Variants in F13A1 observed in about 807,000 individuals in gnomAD.
F13A1 encodes the protein coagulation factor XIII A chain, also known as FSF, A subunit.
F13A1 carries 47 observed loss-of-function variants against 80.1 expected under a neutral mutation model. The ratio of observed to expected loss-of-function variants is 0.59; its 90% CI spans 0.46 to 0.75. The LOEUF is 0.75. Ranked by LOEUF, F13A1 falls within the 30% of genes least tolerant of loss-of-function variation. The probability of loss-of-function intolerance (pLI) is 0.00; values close to 1 mark genes in which losing one functional copy is unlikely to be tolerated. For synonymous variants in F13A1, 349 were observed against 344.9 expected (o/e 1.01, Z -0.13); for missense variants, 817 against 930.4 (o/e 0.88, Z 1.59).
intron 1 of F13A1, among the ~76,000 whole-genome samples, chr6:6,320,231 C>T (rs1758755220): frequency 6.6e-6 from 1 of 152,200 alleles, no homozygotes. Context: ...AGGCTGTTCT[C>T]ACTTGGCCCC....
chr6:6,164,897 C>T (rs1385309619), intron 13 of F13A1, among the ~76,000 whole-genome samples: 1 of 151,844 alleles, frequency 6.6e-6, no homozygotes, highest in Non-Finnish European at 1.5e-5. Flanking sequence ...CTCCAGGAGG[C>T]TAGGCAGGTC....
chr6:6,224,814 T>C lies in F13A1; in HGVS notation c.845A>G (p.Asn282Ser). The C allele has an allele frequency of 4.3e-6, 7 of 1,614,094 alleles. No homozygotes were observed. Among genetic ancestry groups the C allele is most frequent in the Non-Finnish European group, 5.9e-6 (7 of 1,179,954 alleles). The change falls in exon 7 of 15, where the codon AAT (asparagine) becomes AGT (serine). Residue 282 changes from asparagine (N) to serine (S), a missense_variant. Coordinates refer to ENST00000264870, the MANE Select transcript of F13A1 (RefSeq NM_000129.4). The stretch of plus-strand genomic sequence containing the variant: ...TGGGGGGACGCCATAGGCATAGATA[T>C]TGTCCCAGGATCCAACGAGGACACC... ...DEGVLVGSWD[N>S]IYAYGVPPSA...
In F13A1 at chr6:6,173,440, C is replaced by T. The variant is rs188413002; in HGVS notation, c.1747+1140G>A. On this transcript the variant is annotated intron_variant, in intron 12 of 14. Transcript: ENST00000264870. ...TTTTTTTTTTTGAGACGGAGTATCG[C>T]TCAGTCACCCAGGCTGGAGGGCAGT... is the stretch of plus-strand genomic sequence containing the variant. Among the ~76,000 whole-genome samples, 3 of 148,620 alleles carry T rather than the reference C, an allele frequency of 2.0e-5. No individual in the cohort carries two copies. The Admixed American group carries it at 2.0e-4, about 10-fold the overall frequency.
intron 3 of F13A1, among the ~76,000 whole-genome samples, chr6:6,291,824 C>T (rs552354915): frequency 2.9e-4 from 44 of 152,338 alleles, no homozygotes; most frequent in Middle Eastern, 6.8e-3. Context: ...AGCTTGCCCA[C>T]GTGTGTATGA....
intron 10 of F13A1, among the ~76,000 whole-genome samples, chr6:6,187,907 T>G (rs908589389): frequency 2.7e-5 from 4 of 145,718 alleles, no homozygotes; most frequent in African/African-American, 5.0e-5. Context: ...CAGATCCTGT[T>G]ATTGGTCTAT....
At chr6:6,233,728 C>T (rs1394245480) in intron 6 of F13A1, among the ~76,000 whole-genome samples, 6 of 152,118 alleles carry the variant, frequency 3.9e-5, no homozygotes, top group African/African-American at 1.4e-4. Flanking sequence ...AATCCAACAA[C>T]ATATCAAAAA....
intron 13 of F13A1, among the ~76,000 whole-genome samples, chr6:6,154,571 C>G (rs1372073872): frequency 6.6e-6 from 1 of 152,190 alleles, no homozygotes; most frequent in African/African-American, 2.4e-5. Flanking sequence ...CCAAATATTC[C>G]TTAGTAAGCA....
chr6:6,192,575 C>T (rs1224394072), intron 10 of F13A1, among the ~76,000 whole-genome samples: 1 of 151,692 alleles, frequency 6.6e-6, no homozygotes, highest in Admixed American at 6.6e-5. Context: ...TAGGAGATGC[C>T]AAAAAAATAG....
Position 6,182,063 on chromosome 6 carries a change from C to T in F13A1, c.1384G>A (p.Gly462Arg). The T allele has an allele frequency of 6.2e-7, 1 of 1,614,128 alleles. No individual in the cohort carries two copies. Among genetic ancestry groups the T allele is most frequent in the Non-Finnish European group, 8.5e-7 (1 of 1,179,986 alleles). Residue 462 changes from glycine to arginine, a missense_variant, in exon 11 of 15, where the codon GGG becomes AGG. Physicochemically the swap from Gly to Arg is moderately radical, Grantham distance 125 (BLOSUM62 -2). Transcript: ENST00000264870. Reference sequence around the variant, plus strand: ...ATTTGTTTGGTCACAATTAATTTCCCAATGTGGGTGGCATCCACATTTTCC... The same window carrying T: ...ATTTGTTTGGTCACAATTAATTTCCTAATGTGGGTGGCATCCACATTTTCC... ...VVENVDATHIGKLIVTKQIGG... is the reference protein window; with the variant it reads ...VVENVDATHIRKLIVTKQIGG...
In F13A1 at chr6:6,284,369, C is replaced by T. The variant is rs529735892; in HGVS notation, c.320-17560G>A. 3.9e-5 allele frequency among the ~76,000 whole-genome samples: 6 copies of T among 152,202 alleles called. No homozygotes were observed. The East Asian group carries it at 1.2e-3, about 29-fold the overall frequency. On this transcript the variant is annotated intron_variant, in intron 3 of 14. Coordinates refer to ENST00000264870, the MANE Select transcript of F13A1 (RefSeq NM_000129.4). ...TTCTATCACTTAGAAATATGTTGCACAAATAGAAAAGCTGTTTGATGGAAA... is the reference window on the plus strand; with the variant it reads ...TTCTATCACTTAGAAATATGTTGCATAAATAGAAAAGCTGTTTGATGGAAA...
At chr6:6,238,542 C>T (rs1757442458) in intron 6 of F13A1, among the ~76,000 whole-genome samples, 1 of 151,932 alleles carries the variant, frequency 6.6e-6, no homozygotes, top group South Asian at 2.1e-4. Flanking sequence ...AATTTAAAAA[C>T]TTTTGTTACT....
At chr6:6,246,160 C>CTTTG (rs1220359988) in intron 6 of F13A1, among the ~76,000 whole-genome samples, 9 of 152,200 alleles carry the variant, frequency 5.9e-5, no homozygotes, top group African/African-American at 1.9e-4. Context: ...TGTCTTTGTT[C>CTTTG]TTTGTTTAAC....
chr6:6,172,666 C>T (rs1583054689), intron 12 of F13A1, among the ~76,000 whole-genome samples: 5 of 152,078 alleles, frequency 3.3e-5, no homozygotes, highest in South Asian at 2.1e-4. Context: ...AGGCTGGTCT[C>T]GAGCTCCTGA....
chr6:6,201,074 A>AC (rs1283157213), intron 8 of F13A1, among the ~76,000 whole-genome samples: 1 of 152,004 alleles, frequency 6.6e-6, no homozygotes, highest in Non-Finnish European at 1.5e-5. Flanking sequence ...GTGTTTAGTG[A>AC]CCCCCTGGCT....
chr6:6,237,954 T>A (rs1398785966), intron 6 of F13A1, among the ~76,000 whole-genome samples: 1 of 152,200 alleles, frequency 6.6e-6, no homozygotes, highest in Non-Finnish European at 1.5e-5. Flanking sequence ...TCATTAAAGC[T>A]GGAAAGTTGT....
At chr6:6,227,696 G>C (rs1198461420) in intron 6 of F13A1, among the ~76,000 whole-genome samples, 1 of 152,104 alleles carries the variant, frequency 6.6e-6, no homozygotes, top group Non-Finnish European at 1.5e-5. Context: ...AGAGGTAAAG[G>C]CTCCTAAACT....
intron 10 of F13A1, among the ~76,000 whole-genome samples, chr6:6,192,020 C>T (rs945638632): frequency 6.6e-6 from 1 of 152,192 alleles, no homozygotes; most frequent in Non-Finnish European, 1.5e-5. Flanking sequence ...ACAAAGCATG[C>T]AAAGCATTCT....
intron 11 of F13A1, among the ~76,000 whole-genome samples, chr6:6,180,218 G>A (rs771174069): frequency 5.3e-5 from 8 of 152,174 alleles, no homozygotes; most frequent in Non-Finnish European, 7.3e-5. Context: ...GCCAATTCTT[G>A]TGTGTCCTTT....
intron 2 of F13A1, among the ~76,000 whole-genome samples, chr6:6,309,687 TTA>T (rs558496501): frequency 1.4e-4 from 22 of 152,136 alleles, no homozygotes; most frequent in Admixed American, 3.3e-4. Context: ...ATGATTAGAT[TTA>T]TATATATATT....
Sources: gnomAD v4.1 joint callset for allele counts (sites outside exome capture counted in the v4.1 genomes callset) on GRCh38, gnomAD v4.1.1 for gene constraint, MANE v1.5 for transcripts, NCBI Gene and HGNC (gene_info 2026-07-23, HGNC 2026-07-21) for gene names.